COL6A6: variants seen among roughly 807,000 people sequenced by gnomAD.
COL6A6 encodes collagen alpha-6(VI) chain.
COL6A6 carries 183 observed loss-of-function variants against 208.6 expected under a neutral mutation model. The observed-to-expected ratio is 0.88, with a 90% confidence interval of 0.78 to 0.99. COL6A6 has a LOEUF of 0.99. Ranked by LOEUF, COL6A6 falls within the 50% of genes least tolerant of loss-of-function variation. The pLI, the probability that COL6A6 is intolerant of heterozygous loss-of-function variation, is 0.00. For missense variants in COL6A6, 2,816 were observed against 2,815.2 expected (o/e 1.00, Z -0.01); for synonymous variants, 973 against 1,011.8 (o/e 0.96, Z 0.73).
At chr3:130,588,767 T>TG (rs2063600937) in intron 11 of COL6A6, among the ~76,000 whole-genome samples, 1 of 152,054 alleles carries the variant, frequency 6.6e-6, no homozygotes, top group Non-Finnish European at 1.5e-5. Context: ...TAGAGTGAGA[T>TG]GGGGCAGGGA....
chr3:130,675,711 A>T lies in COL6A6; in HGVS notation c.*314A>T, dbSNP rs150151192. ...ATGTATGCATATGTGTACATGGGTCAATGTTAATTCTTTTATCTCTGTCCA... is the reference window on the plus strand; with the variant it reads ...ATGTATGCATATGTGTACATGGGTCTATGTTAATTCTTTTATCTCTGTCCA... On this transcript the variant is annotated 3_prime_UTR_variant, in exon 37 of 37. Transcript: ENST00000358511. The T allele has an allele frequency of 8.1e-3, 1,622 of 200,826 alleles. 36 individuals carry two copies. The highest frequency in any genetic ancestry group is 0.034 in the African/African-American group (1,471 of 43,550). The allele number at this position is 200,826 out of a possible 1,614,324, so 12.4% of individuals were successfully genotyped here.
Position 130,565,239 on chromosome 3 carries a change from ACTGGGAAGGC to A in COL6A6, c.910_919del (p.Gly304IlefsTer33), listed in dbSNP as rs1436285603. 6.2e-7 allele frequency: 1 copy of A among 1,614,010 alleles called. No individual in the cohort carries two copies. Among genetic ancestry groups the A allele is most frequent in the South Asian group, 1.1e-5 (1 of 91,076 alleles). On this transcript the variant is annotated frameshift_variant, in exon 4 of 37. Transcript: ENST00000358511. LOFTEE classifies it high-confidence loss of function. ...GCATATACAGAACCTTTCTCCCCGA[ACTGGGAAGGC>A]CTATACTGGAGCTGCCATCAAAAAG...
At chr3:130,624,644 A>G (rs1324707735) in intron 24 of COL6A6, among the ~76,000 whole-genome samples, 1 of 152,214 alleles carries the variant, frequency 6.6e-6, no homozygotes, top group Admixed American at 6.5e-5. Context: ...AAGGGACCCT[A>G]GAGTTGGATA....
chr3:130,601,351 A>G (rs949218059), intron 20 of COL6A6, among the ~76,000 whole-genome samples: 2 of 152,208 alleles, frequency 1.3e-5, no homozygotes, highest in African/African-American at 4.8e-5. Flanking sequence ...ATCTTGGAGC[A>G]TACCCGTGTT....
At chr3:130,635,287 A>T (rs1476576815) in intron 27 of COL6A6, among the ~76,000 whole-genome samples, 1 of 152,184 alleles carries the variant, frequency 6.6e-6, no homozygotes, top group Non-Finnish European at 1.5e-5. Context: ...AATAAGAGTT[A>T]TTTGATTTTA....
At chr3:130,523,671 G>A (rs1203628993) in intron 1 of COL6A6, among the ~76,000 whole-genome samples, 9 of 152,178 alleles carry the variant, frequency 5.9e-5, no homozygotes, top group African/African-American at 1.4e-4. Flanking sequence ...ATGATGTTTT[G>A]AGACAGTAAA....
intron 15 of COL6A6, among the ~76,000 whole-genome samples, 168 bp downstream of exon 15, chr3:130,592,890 A>G (rs990982679): frequency 6.6e-6 from 1 of 152,200 alleles, no homozygotes; most frequent in African/African-American, 2.4e-5. Flanking sequence ...TAGGCAATAC[A>G]TATTATTTGT....
chr3:130,571,150 C>T lies in COL6A6; in HGVS notation c.2734C>T (p.Pro912Ser), dbSNP rs746986481. The T allele has an allele frequency of 1.9e-6, 3 of 1,613,420 alleles. No individual in the cohort carries two copies. The East Asian group carries it at 6.7e-5, about 36-fold the overall frequency. Residue 912 changes from proline to serine, a missense_variant, in exon 7 of 37, where the codon CCC becomes TCC. Transcript: ENST00000358511. ...GGGCAGCCGCCTGAACAAGGGGGTCCCCCAAGTCCTCATTGTGATCACCGA... is the reference window on the plus strand; with the variant it reads ...GGGCAGCCGCCTGAACAAGGGGGTCTCCCAAGTCCTCATTGTGATCACCGA... ...ARGSRLNKGV[P>S]QVLIVITDGE... is the part of the protein sequence containing the mutation.
intron 1 of COL6A6, among the ~76,000 whole-genome samples, chr3:130,525,217 G>A (rs1417643484): frequency 1.3e-5 from 2 of 151,478 alleles, no homozygotes; most frequent in African/African-American, 4.9e-5. Context: ...TCTGGAAAAT[G>A]TGTGCTTCAA....
At chr3:130,588,549 G>A (rs1245205890) in intron 11 of COL6A6, among the ~76,000 whole-genome samples, 1 of 152,186 alleles carries the variant, frequency 6.6e-6, no homozygotes, top group Non-Finnish European at 1.5e-5. Context: ...TATTGCACGT[G>A]TAAGTTGTGT....
rs565810607 is a variant in COL6A6 at position 130,649,498 on chromosome 3, C to T, written c.5669C>T (p.Ala1890Val). 4 of 1,606,564 alleles carry T rather than the reference C, an allele frequency of 2.5e-6. No individual in the cohort carries two copies. The highest frequency in any genetic ancestry group is 3.4e-6 in the Non-Finnish European group (4 of 1,176,578). Reference protein sequence around the residue: ...SITTAAMEFGALEIIPVVITF... With the variant: ...SITTAAMEFGVLEIIPVVITF... ...ACCACGGCTGCCATGGAGTTCGGCG[C>T]GCTTGAAATCATTCCCGTGGTGATC... The change falls in exon 33 of 37, where the codon GCG becomes GTG. Residue 1890 changes from alanine to valine, a missense_variant. Physicochemically the swap from Ala to Val is moderately conservative, Grantham distance 64 (BLOSUM62 0). Coordinates refer to ENST00000358511, the MANE Select transcript of COL6A6 (RefSeq NM_001102608.3).
chr3:130,650,672 CAAG>C (rs994597398), intron 33 of COL6A6, among the ~76,000 whole-genome samples: 3 of 151,354 alleles, frequency 2.0e-5, no homozygotes, highest in African/African-American at 7.3e-5. Flanking sequence ...GAAAATAAGA[CAAG>C]AAACAATCAT....
At chr3:130,642,603 G>A (rs142123233) in intron 29 of COL6A6, among the ~76,000 whole-genome samples, 59 of 152,200 alleles carry the variant, frequency 3.9e-4, no homozygotes, top group African/African-American at 1.2e-3. Flanking sequence ...GGAGGAAAGC[G>A]GCCTCTCAAG....
At chr3:130,552,096 T>A (rs534315405) in intron 1 of COL6A6, among the ~76,000 whole-genome samples, 1 of 152,232 alleles carries the variant, frequency 6.6e-6, no homozygotes, top group East Asian at 1.9e-4. Flanking sequence ...CATGTGGTGA[T>A]GAAAATAATG....
intron 17 of COL6A6, 98 bp from the exon 18 acceptor site, chr3:130,594,183 T>C (rs1028780039): frequency 1.0e-6 from 1 of 956,054 alleles, no homozygotes; most frequent in African/African-American, 1.7e-5. Flanking sequence ...TGTAGAAAAA[T>C]ATTTAATTAT....
chr3:130,660,589 G>C lies in COL6A6; in HGVS notation c.5831-1048G>C, dbSNP rs1410658310. On this transcript the variant is annotated intron_variant, in intron 34 of 36. Coordinates refer to ENST00000358511, the MANE Select transcript of COL6A6 (RefSeq NM_001102608.3). ...CCATCAACTACTATTGAAAACCCAG[G>C]ATTACAAAATGTCAGCCCTGAAAGG... Among the ~76,000 whole-genome samples, 5 of 152,202 alleles carry C rather than the reference G, an allele frequency of 3.3e-5. No individual in the cohort carries two copies. In the East Asian group the frequency reaches 9.6e-4, roughly 29 times the overall value.
rs184593172 is a variant in COL6A6 at position 130,546,731 on chromosome 3, C to G, written c.-31-13603C>G. Among the ~76,000 whole-genome samples the G allele has an allele frequency of 1.3e-3, 205 of 152,226 alleles. 5 individuals carry two copies. In the South Asian group the frequency reaches 0.041, roughly 30 times the overall value. ...ACTAGACACAGAGCACCGACTGGTG[C>G]GTTTACAAACCTTGAGCTAGACACA... On this transcript the variant is annotated intron_variant, in intron 1 of 36. Coordinates refer to ENST00000358511, the MANE Select transcript of COL6A6 (RefSeq NM_001102608.3).
chr3:130,635,631 G>T (rs2108326872), intron 27 of COL6A6, 68 bp from the exon 28 acceptor site: 1 of 1,057,846 alleles, frequency 9.5e-7, no homozygotes, highest in Non-Finnish European at 1.4e-6. Context: ...TCAGTTTAAA[G>T]ATGCAAATAT....
intron 18 of COL6A6, among the ~76,000 whole-genome samples, chr3:130,597,067 T>G (rs1246322022): frequency 6.6e-6 from 1 of 152,206 alleles, no homozygotes; most frequent in Non-Finnish European, 1.5e-5. Context: ...ATGATTCTTT[T>G]TATGTTATCT....
Sources: gnomAD v4.1 joint callset for allele counts (sites outside exome capture counted in the v4.1 genomes callset) on GRCh38, gnomAD v4.1.1 for gene constraint, MANE v1.5 for transcripts, NCBI Gene and HGNC (gene_info 2026-07-23, HGNC 2026-07-21) for gene names.